Variants in DSCAML1 observed in about 807,000 individuals in gnomAD.
DSCAML1 encodes DS cell adhesion molecule like 1.
DSCAML1 carries 38 observed loss-of-function variants against 200.5 expected under a neutral mutation model. The ratio of observed to expected loss-of-function variants is 0.19; its 90% confidence interval spans 0.15 to 0.25. DSCAML1 has a LOEUF of 0.25. DSCAML1 is among the 10% of genes least tolerant of loss of function. The pLI is 1.00. For synonymous variants in DSCAML1, 1,215 were observed against 1,165.0 expected, an observed-to-expected ratio of 1.04 and a Z score of -0.87; for missense variants, 2,223 against 2,858.8, an observed-to-expected ratio of 0.78 and a Z score of 5.07.
intron 11 of DSCAML1, among the ~76,000 whole-genome samples, chr11:117,493,946 A>G (rs2049241134): frequency 6.6e-6 from 1 of 152,162 alleles, no homozygotes; most frequent in Admixed American, 6.5e-5. Flanking sequence ...TACTTTCCCA[A>G]GAATGTTGGA....
In DSCAML1 at chr11:117,444,031, G is replaced by A. The variant is rs554748554; in HGVS notation, c.3717C>T (p.Ser1239=). The A allele has an allele frequency of 3.3e-5, 53 of 1,611,684 alleles. No homozygotes were observed. Among genetic ancestry groups the A allele is most frequent in the South Asian group, 3.1e-4 (28 of 90,874 alleles). ...SSPGSGQPAP[S]EYETSPEQLF... is the part of the protein sequence containing the mutation. ...GCTGCTCTGGACTCGTCTCGTACTCGCTGGGAGCCTGCGGGGCAGAGGCAA... is the reference window on the plus strand; with the variant it reads ...GCTGCTCTGGACTCGTCTCGTACTCACTGGGAGCCTGCGGGGCAGAGGCAA... The change falls in exon 21 of 33, where the codon AGC becomes AGT. Residue 1239 remains serine (S), a synonymous_variant. Coordinates refer to ENST00000651296, the MANE Select transcript of DSCAML1 (RefSeq NM_020693.4).
rs541807242 is a variant in DSCAML1, at chr11:117,634,280, G to A, written c.512-101758C>T. ...TACCTTAAAGGTTATCCTGCTCTGAGCAGAAAGAGGGCCAGTGGGCATCAG... is the reference window on the plus strand; with the variant it reads ...TACCTTAAAGGTTATCCTGCTCTGAACAGAAAGAGGGCCAGTGGGCATCAG... On this transcript the variant is annotated intron_variant, in intron 3 of 32. Transcript: ENST00000651296. 2.0e-5 allele frequency among the ~76,000 whole-genome samples: 3 copies of A among 152,346 alleles called. No individual in the cohort carries two copies. The East Asian group carries it at 5.8e-4, about 29-fold the overall frequency.
At chr11:117,603,361 G>A (rs1048441179) in intron 3 of DSCAML1, among the ~76,000 whole-genome samples, 2 of 152,180 alleles carry the variant, frequency 1.3e-5, no homozygotes, top group African/African-American at 2.4e-5. Flanking sequence ...GAAACCCCAC[G>A]TGTAAATCAC....
intron 3 of DSCAML1, among the ~76,000 whole-genome samples, chr11:117,581,206 T>C (rs1250661322): frequency 6.6e-6 from 1 of 152,176 alleles, no homozygotes; most frequent in African/African-American, 2.4e-5. Flanking sequence ...GATAATAATA[T>C]AAGTTACCAT....
intron 11 of DSCAML1, among the ~76,000 whole-genome samples, chr11:117,491,438 C>G (rs1373604348): frequency 6.6e-6 from 1 of 152,204 alleles, no homozygotes; most frequent in African/African-American, 2.4e-5. Context: ...CAGGCCATGG[C>G]CCAGGTCATT....
rs1565280602 is a variant in DSCAML1, at chr11:117,780,228, AAAGG to A, written c.364+261_364+264del. On this transcript the variant is annotated intron_variant, in intron 2 of 32. Coordinates refer to ENST00000651296, the MANE Select transcript of DSCAML1 (RefSeq NM_020693.4). This position sits in a 1 kb window ranked among gnomAD's most constrained non-coding sequence, Gnocchi z 4.8. Reference sequence around the variant, plus strand: ...AAGAAAGAGAGAGAGAGAAAGAAAGAAAGGAAAGAAAGAAAGAAAGAAAGAAAGA... The same window carrying A: ...AAGAAAGAGAGAGAGAGAAAGAAAGAAAAGAAAGAAAGAAAGAAAGAAAGA... Among the ~76,000 whole-genome samples, 1 of 113,142 alleles carries A rather than the reference AAAGG, an allele frequency of 8.8e-6. No individual in the cohort carries two copies. Among genetic ancestry groups the A allele is most frequent in the Non-Finnish European group, 1.8e-5 (1 of 55,792 alleles). The allele number at this position is 113,142 out of a possible 152,430, so 74.2% of individuals were successfully genotyped here. A position where few individuals can be genotyped will look rare whatever the true frequency, so the allele number is the denominator to read the frequency against.
At chr11:117,787,414 CTGA>C (rs2134064618) in intron 1 of DSCAML1, among the ~76,000 whole-genome samples, 1 of 150,752 alleles carries the variant, frequency 6.6e-6, no homozygotes, top group South Asian at 2.1e-4. Flanking sequence ...CTGCTCACCT[CTGA>C]TGATAATAAT....
At chr11:117,543,471 G>A (rs995767288) in intron 3 of DSCAML1, among the ~76,000 whole-genome samples, 1 of 152,148 alleles carries the variant, frequency 6.6e-6, no homozygotes, top group Non-Finnish European at 1.5e-5. Flanking sequence ...CTGCGCTGGT[G>A]TGTGACCCTG....
intron 3 of DSCAML1, among the ~76,000 whole-genome samples, chr11:117,573,484 C>T (rs936891174): frequency 1.4e-4 from 21 of 152,180 alleles, no homozygotes; most frequent in African/African-American, 4.3e-4. Context: ...CAGGCCTAGC[C>T]GGTGGTACCT....
chr11:117,626,651 G>T (rs1275359325), intron 3 of DSCAML1, among the ~76,000 whole-genome samples: 1 of 152,160 alleles, frequency 6.6e-6, no homozygotes, highest in Admixed American at 6.5e-5. Context: ...TTCTCGAGCT[G>T]TACCCAAACA....
chr11:117,431,521 G>A lies in DSCAML1; in HGVS notation c.5374+13C>T. 1.9e-6 allele frequency: 3 copies of A among 1,547,902 alleles called. No individual in the cohort carries two copies. The highest frequency in any genetic ancestry group is 2.6e-6 in the Non-Finnish European group (3 of 1,143,688). ...GGGAGGTGTTCAGGATGCCAGCAGG[G>A]CCTTAGGCACACCTGTGTCCTGGGA... On this transcript the variant is annotated intron_variant, in intron 31 of 32. Coordinates refer to ENST00000651296, the MANE Select transcript of DSCAML1 (RefSeq NM_020693.4).
intron 15 of DSCAML1, among the ~76,000 whole-genome samples, chr11:117,471,102 T>C (rs527441275): frequency 1.2e-4 from 19 of 152,036 alleles, no homozygotes; most frequent in African/African-American, 4.3e-4. Context: ...GGATGATGAG[T>C]GTTGGTTATA....
chr11:117,758,653 C>T (rs1470226139), intron 3 of DSCAML1, among the ~76,000 whole-genome samples: 3 of 152,082 alleles, frequency 2.0e-5, no homozygotes, highest in East Asian at 1.9e-4. Flanking sequence ...CCGCCCACCT[C>T]GGCCTCCCAA....
At chr11:117,693,062 GCA>G (rs1489947090) in intron 3 of DSCAML1, among the ~76,000 whole-genome samples, 1 of 152,212 alleles carries the variant, frequency 6.6e-6, no homozygotes, top group Non-Finnish European at 1.5e-5. Flanking sequence ...GGTCTGAACA[GCA>G]CAGAGTACGG....
At chr11:117,554,667 G>A (rs1405361735) in intron 3 of DSCAML1, among the ~76,000 whole-genome samples, 3 of 152,102 alleles carry the variant, frequency 2.0e-5, no homozygotes, top group South Asian at 2.1e-4. Context: ...GTGAGCCACC[G>A]CGCCCGGCCT....
intron 3 of DSCAML1, among the ~76,000 whole-genome samples, chr11:117,537,009 G>C (rs900315709): frequency 1.3e-5 from 2 of 152,164 alleles, no homozygotes; most frequent in African/African-American, 4.8e-5. Context: ...CTGAAGCACA[G>C]AGAAGTTACA....
intron 1 of DSCAML1, among the ~76,000 whole-genome samples, chr11:117,813,822 C>G (rs1007290738): frequency 1.3e-5 from 2 of 152,158 alleles, no homozygotes; most frequent in African/African-American, 4.8e-5. Context: ...CATACCACTC[C>G]CCCAAAATTT....
chr11:117,441,831 C>T (rs955265831), intron 21 of DSCAML1, among the ~76,000 whole-genome samples: 63 of 152,100 alleles, frequency 4.1e-4, no homozygotes, highest in Non-Finnish European at 1.0e-4. Flanking sequence ...GCAGAGGGGT[C>T]CACATGAAGA....
intron 3 of DSCAML1, among the ~76,000 whole-genome samples, chr11:117,736,260 T>A (rs1420540876): frequency 6.6e-6 from 1 of 152,194 alleles, no homozygotes; most frequent in Admixed American, 6.5e-5. Flanking sequence ...TCCAGCTTAC[T>A]CAGGTGTCTG....
Sources: allele counts gnomAD v4.1 joint callset (sites outside exome capture counted in the v4.1 genomes callset), GRCh38; gene constraint gnomAD v4.1.1; non-coding constraint Gnocchi (gnomAD v3.1); transcripts MANE v1.5; gene names NCBI Gene and HGNC (gene_info 2026-07-23, HGNC 2026-07-21).